The following LSP1 variants were observed in gnomAD, a reference collection of about 807,000 sequenced individuals.
The protein encoded by LSP1 is lymphocyte-specific protein 1.
A neutral mutation model predicts 49.3 loss-of-function variants in LSP1; 32 were observed. That is an observed-to-expected ratio of 0.65 (90% CI 0.49 to 0.87). The LOEUF (loss-of-function observed/expected upper bound fraction) is 0.87. Among genes scored for constraint, LSP1 ranks in the 40% least tolerant of loss-of-function variants. The probability of loss-of-function intolerance (pLI) is 0.00; values close to 1 mark genes in which losing one functional copy is unlikely to be tolerated. For synonymous variants in LSP1, 179 were observed against 178.8 expected (o/e 1.00, Z -0.01); for missense variants, 428 against 442.6 (o/e 0.97, Z 0.30).
At chr11:1,856,781 C>T (rs1847500338) in intron 1 of LSP1, among the ~76,000 whole-genome samples, 1 of 152,250 alleles carries the variant, frequency 6.6e-6, no homozygotes, top group African/African-American at 2.4e-5. Flanking sequence ...TCCCGCCCAC[C>T]TGCCCTCCGA....
intron 1 of LSP1, among the ~76,000 whole-genome samples, chr11:1,875,697 C>A: frequency 6.6e-6 from 1 of 152,256 alleles, no homozygotes; most frequent in East Asian, 1.9e-4. Context: ...CAGGGTGCAG[C>A]CACAACCGGG....
chr11:1,872,591 G>A (rs901384528), intron 1 of LSP1, among the ~76,000 whole-genome samples: 5 of 140,476 alleles, frequency 3.6e-5, no homozygotes, highest in Admixed American at 3.4e-4. Context: ...GGGGGTGTGT[G>A]TGGCAGGCAG....
At chr11:1,858,116 C>T (rs1486493861) in intron 1 of LSP1, among the ~76,000 whole-genome samples, 1 of 152,212 alleles carries the variant, frequency 6.6e-6, no homozygotes, top group East Asian at 1.9e-4. Flanking sequence ...AGGCAGGTCC[C>T]TGGAGCCTCC....
At chr11:1,866,728 A>G in intron 1 of LSP1, 1 of 1,550,528 alleles carries the variant, frequency 6.4e-7, no homozygotes, top group Non-Finnish European at 8.7e-7. Flanking sequence ...GGATTTGAGG[A>G]GTGCCTGGGG....
At position 1,881,544 on chromosome 11, in the gene LSP1, G is replaced by T; in HGVS notation, c.304G>T (p.Asp102Tyr). The T allele has an allele frequency of 1.3e-6, 2 of 1,546,654 alleles. No individual in the cohort carries two copies. Among genetic ancestry groups the T allele is most frequent in the South Asian group, 1.2e-5 (1 of 83,502 alleles). Reference protein sequence around the residue: ...QQHEGAQGALDSGEPPQCRSP... With the variant: ...QQHEGAQGALYSGEPPQCRSP... ...GCACGAGGGGGCGCAGGGCGCCTTG[G>T]ACAGCGGAGAGCCCCCCCAGTGCAG... Residue 102 changes from aspartate (D) to tyrosine (Y), a missense_variant, in exon 3 of 11, where the codon GAC (aspartate) becomes TAC (tyrosine). Coordinates refer to ENST00000311604, the MANE Select transcript of LSP1 (RefSeq NM_002339.3).
chr11:1,865,307 T>C (rs1589809602), intron 1 of LSP1: 2 of 925,114 alleles, frequency 2.2e-6, no homozygotes, highest in Non-Finnish European at 2.6e-6. Context: ...CAGGGCAGGG[T>C]GCCCATGCTG....
At chr11:1,877,258 T>C (rs764435642) in intron 1 of LSP1, among the ~76,000 whole-genome samples, 4 of 151,832 alleles carry the variant, frequency 2.6e-5, no homozygotes, top group African/African-American at 7.3e-5. Flanking sequence ...GGTGAGGTCA[T>C]GGGGAGGGGG....
chr11:1,871,323 G>C (rs999899530), intron 1 of LSP1: 3 of 986,078 alleles, frequency 3.0e-6, no homozygotes, highest in Non-Finnish European at 3.6e-6. Flanking sequence ...CAGGCTGGTC[G>C]CCGCAGATGG....
At chr11:1,853,787 C>T (rs1319243134) in intron 1 of LSP1, among the ~76,000 whole-genome samples, 1 of 152,148 alleles carries the variant, frequency 6.6e-6, no homozygotes, top group African/African-American at 2.4e-5. Flanking sequence ...GTGCCAGGCA[C>T]CGTGTGTTGG....
intron 1 of LSP1, among the ~76,000 whole-genome samples, chr11:1,860,010 T>C (rs1040196235): frequency 1.3e-4 from 20 of 152,170 alleles, no homozygotes; most frequent in Admixed American, 2.6e-4. Context: ...TCGGGGATGA[T>C]GAGAATGTGT....
At chr11:1,881,401 C>T (rs745505969) in intron 2 of LSP1, 31 bp from the exon 3 acceptor site, 1 of 1,536,236 alleles carries the variant, frequency 6.5e-7, no homozygotes, top group Non-Finnish European at 8.8e-7. Flanking sequence ...CAGCAGCCGC[C>T]CAGGCCTAAG....
At chr11:1,871,034 G>A in intron 1 of LSP1, 1 of 985,616 alleles carries the variant, frequency 1.0e-6, no homozygotes, top group South Asian at 4.7e-5. Flanking sequence ...GGGGCTGCAT[G>A]TAGACGCATG....
chr11:1,884,087 A>G lies in LSP1; in HGVS notation c.591+63A>G, dbSNP rs541515424. On this transcript the variant is annotated intron_variant, in intron 5 of 10. Transcript: ENST00000311604. This position sits in a 1 kb window ranked among gnomAD's most constrained non-coding sequence, Gnocchi z 4.1. Reference sequence around the variant, plus strand: ...TCCCGTACTCATACCCAAAAGGCCAATCCCACATGCCAGCCACAGGAAGAC... The same window carrying G: ...TCCCGTACTCATACCCAAAAGGCCAGTCCCACATGCCAGCCACAGGAAGAC... 7.5e-5 allele frequency: 114 copies of G among 1,513,794 alleles called. No individual in the cohort carries two copies. The East Asian group carries it at 2.4e-3, about 31-fold the overall frequency. The allele number at this position is 1,513,794 out of a possible 1,614,324, so 93.8% of individuals were successfully genotyped here.
At chr11:1,889,309 T>C (rs779973498) in intron 10 of LSP1, 4 of 692,776 alleles carry the variant, frequency 5.8e-6, no homozygotes, top group Non-Finnish European at 1.1e-5. Flanking sequence ...CTGGCTGGGG[T>C]GTGCTCCCCA....
Position 1,864,509 on chromosome 11 carries a change from C to A in LSP1, c.53+11312C>A, listed in dbSNP as rs527420425. ...AGGGAGGGAGGGAAGGAGGCAGCCA[C>A]GCTGCCCATCAGCGCGCCACAGAGG... On this transcript the variant is annotated intron_variant, in intron 1 of 10. Coordinates refer to ENST00000311604, the MANE Select transcript of LSP1 (RefSeq NM_002339.3). Among the ~76,000 whole-genome samples, 443 of 152,060 alleles carry A rather than the reference C, an allele frequency of 2.9e-3. 1 individual carries two copies. Among genetic ancestry groups the A allele is most frequent in the African/African-American group, 9.8e-3 (405 of 41,480 alleles).
At position 1,874,041 on chromosome 11, in the gene LSP1, G is replaced by C. The variant is rs368262104; in HGVS notation, c.54-6046G>C. Among the ~76,000 whole-genome samples, 192 of 73,746 alleles carry C rather than the reference G, an allele frequency of 2.6e-3. 19 individuals are homozygous for C. Among genetic ancestry groups the C allele is most frequent in the South Asian group, 7.6e-3 (13 of 1,700 alleles). 48.4% of individuals were successfully genotyped at this position (73,746 alleles called of 152,430 possible). On this transcript the variant is annotated intron_variant, in intron 1 of 10. Transcript: ENST00000311604. ...CGGCAGAGGAGGGAGGCCGGCAGAGGAGGGAGGCTGGCAGAGCAGGGAGGC... is the reference window on the plus strand; with the variant it reads ...CGGCAGAGGAGGGAGGCCGGCAGAGCAGGGAGGCTGGCAGAGCAGGGAGGC...
chr11:1,858,201 G>A (rs1290646306), intron 1 of LSP1, among the ~76,000 whole-genome samples: 1 of 152,210 alleles, frequency 6.6e-6, no homozygotes, highest in Non-Finnish European at 1.5e-5. Flanking sequence ...CTGGGGAGGG[G>A]CCTGAGTCCT....
At chr11:1,885,680 C>A (rs1458128370) in intron 7 of LSP1, among the ~76,000 whole-genome samples, 1 of 152,072 alleles carries the variant, frequency 6.6e-6, no homozygotes, top group Admixed American at 6.5e-5. Flanking sequence ...CCAACCAACA[C>A]TCTACTAAAT....
At chr11:1,867,397 C>T (rs1161669527) in intron 1 of LSP1, among the ~76,000 whole-genome samples, 3 of 143,796 alleles carry the variant, frequency 2.1e-5, no homozygotes, top group Non-Finnish European at 4.6e-5. Flanking sequence ...GACAGTACTG[C>T]GCTCACCACC....
Sources: gnomAD v4.1 joint callset for allele counts (sites outside exome capture counted in the v4.1 genomes callset) on GRCh38, gnomAD v4.1.1 for gene constraint, Gnocchi (gnomAD v3.1) non-coding constraint, MANE v1.5 for transcripts, NCBI Gene and HGNC (gene_info 2026-07-23, HGNC 2026-07-21) for gene names.